The following COL25A1 variants were observed in gnomAD, a reference collection of about 807,000 sequenced individuals.
COL25A1 encodes collagen type XXV alpha 1 chain.
In COL25A1, 103 loss-of-function variants were observed where a neutral mutation model predicts 128.4. That is an observed-to-expected ratio of 0.80 (90% confidence interval 0.68 to 0.94). COL25A1 has a LOEUF of 0.94. COL25A1 is among the 40% of genes least tolerant of loss of function. The probability of loss-of-function intolerance (pLI) is 0.00; values close to 1 mark genes in which losing one functional copy is unlikely to be tolerated. For synonymous variants in COL25A1, 279 were observed against 277.2 expected (o/e 1.01, Z -0.06); for missense variants, 745 against 840.0 (o/e 0.89, Z 1.40).
intron 13 of COL25A1, among the ~76,000 whole-genome samples, chr4:108,904,603 CA>C (rs901849590): frequency 3.3e-5 from 5 of 151,262 alleles, no homozygotes; most frequent in Non-Finnish European, 5.9e-5. Flanking sequence ...AAGGTACAAA[CA>C]AAAAAAATGG....
At chr4:109,062,843 G>T (rs1762094617) in intron 3 of COL25A1, among the ~76,000 whole-genome samples, 1 of 152,112 alleles carries the variant, frequency 6.6e-6, no homozygotes. Context: ...CATGAAAATG[G>T]ATTACTATAA....
intron 6 of COL25A1, among the ~76,000 whole-genome samples, chr4:108,977,828 C>T (rs1032820606): frequency 6.6e-6 from 1 of 152,174 alleles, no homozygotes; most frequent in Non-Finnish European, 1.5e-5. Flanking sequence ...AACTCAGCTA[C>T]ATCAAGGTCA....
At chr4:109,132,703 G>A (rs1244057374) in intron 3 of COL25A1, among the ~76,000 whole-genome samples, 3 of 152,106 alleles carry the variant, frequency 2.0e-5, no homozygotes, top group Non-Finnish European at 4.4e-5. Context: ...TTTTCTGAAG[G>A]TAAGAAAGTA....
intron 11 of COL25A1, among the ~76,000 whole-genome samples, chr4:108,937,246 A>AT (rs1747532643): frequency 1.3e-5 from 2 of 151,872 alleles, no homozygotes; most frequent in African/African-American, 2.4e-5. Context: ...CTAACCAAAC[A>AT]TTTTTTCTAC....
At chr4:109,203,386 T>C (rs895512388) in intron 3 of COL25A1, among the ~76,000 whole-genome samples, 4 of 152,090 alleles carry the variant, frequency 2.6e-5, no homozygotes, top group Non-Finnish European at 5.9e-5. Flanking sequence ...TCAAAAACTT[T>C]ACCTCTCATC....
intron 3 of COL25A1, among the ~76,000 whole-genome samples, chr4:109,050,585 G>C (rs1170024168): frequency 6.6e-6 from 1 of 152,060 alleles, no homozygotes; most frequent in East Asian, 1.9e-4. Context: ...ATGATTTACA[G>C]TTTCTTTTCA....
chr4:108,834,568 A>G (rs1025139794), intron 31 of COL25A1, among the ~76,000 whole-genome samples: 1 of 151,988 alleles, frequency 6.6e-6, no homozygotes, highest in African/African-American at 2.4e-5. Context: ...AAAACACATG[A>G]CAAACACCCC....
chr4:108,979,583 C>A (rs1752759778), intron 6 of COL25A1, among the ~76,000 whole-genome samples: 1 of 152,072 alleles, frequency 6.6e-6, no homozygotes, highest in Non-Finnish European at 1.5e-5. Context: ...GGAAAAGGAG[C>A]AAATGCTGGG....
chr4:108,927,913 G>A (rs1316425913), intron 11 of COL25A1, among the ~76,000 whole-genome samples: 1 of 151,938 alleles, frequency 6.6e-6, no homozygotes, highest in Non-Finnish European at 1.5e-5. Flanking sequence ...GATAAATCTA[G>A]GTATATAAAA....
Position 109,021,773 on chromosome 4 carries a change from T to TG in COL25A1, c.421-11399dup. 3 of 453,450 alleles carry TG rather than the reference T, an allele frequency of 6.6e-6. 1 individual carries two copies. The highest frequency in any genetic ancestry group is 4.7e-5 in the South Asian group (3 of 64,346). The allele number at this position is 453,450 out of a possible 1,614,324, so 28.1% of individuals were successfully genotyped here. A position where few individuals can be genotyped will look rare whatever the true frequency, so the allele number is the denominator to read the frequency against. ...GACCCTAGGAAAAGAATTGCATTCC[T>TG]GGGGGCAGGTCTATAAACCACCGCT... On this transcript the variant is annotated intron_variant, in intron 5 of 37. Transcript: ENST00000399132.
chr4:109,285,214 TATC>T (rs539689135), intron 3 of COL25A1, among the ~76,000 whole-genome samples: 28 of 152,322 alleles, frequency 1.8e-4, no homozygotes, highest in African/African-American at 6.7e-4. Context: ...CTTGAAGAGT[TATC>T]ATAGTACAGA....
chr4:109,180,145 G>T (rs1382172974), intron 3 of COL25A1, among the ~76,000 whole-genome samples: 1 of 152,294 alleles, frequency 6.6e-6, no homozygotes, highest in Non-Finnish European at 1.5e-5. Flanking sequence ...TGGAGAAGAA[G>T]AAATTTAGGA....
intron 8 of COL25A1, among the ~76,000 whole-genome samples, chr4:108,969,481 A>G (rs573441720): frequency 6.6e-6 from 1 of 152,296 alleles, no homozygotes; most frequent in Middle Eastern, 3.4e-3. Context: ...TATACATAAC[A>G]CTATCAACTG....
At chr4:109,255,513 T>C (rs1003750904) in intron 3 of COL25A1, among the ~76,000 whole-genome samples, 2 of 152,156 alleles carry the variant, frequency 1.3e-5, no homozygotes, top group African/African-American at 2.4e-5. Context: ...TATCTGCAGT[T>C]GGACAGACTA....
intron 24 of COL25A1, among the ~76,000 whole-genome samples, chr4:108,858,018 A>G (rs1259953376): frequency 2.0e-5 from 3 of 152,090 alleles, no homozygotes; most frequent in Non-Finnish European, 4.4e-5. Context: ...ATGGGAAAGA[A>G]AGGAAGGAAG....
At chr4:108,834,514 C>A in intron 31 of COL25A1, 1 of 790,340 alleles carries the variant, frequency 1.3e-6, no homozygotes, top group South Asian at 1.7e-5. Context: ...TTACAGGGTT[C>A]TGGGATGAAT....
At chr4:108,814,312 CTG>C (rs1731047460) in intron 37 of COL25A1, among the ~76,000 whole-genome samples, 1 of 152,154 alleles carries the variant, frequency 6.6e-6, no homozygotes, top group Non-Finnish European at 1.5e-5. Context: ...ACATAATCTT[CTG>C]CACGCATTAC....
chr4:109,210,016 A>C (rs1777368541), intron 3 of COL25A1, among the ~76,000 whole-genome samples: 1 of 151,620 alleles, frequency 6.6e-6, no homozygotes, highest in African/African-American at 2.4e-5. Flanking sequence ...GCACCACTGC[A>C]CTCCAGCCTG....
chr4:108,827,246 C>A (rs771395844), intron 32 of COL25A1, 58 bp from the exon 33 acceptor site: 13 of 1,375,318 alleles, frequency 9.5e-6, no homozygotes, highest in Non-Finnish European at 1.3e-5. Flanking sequence ...CACACACTTT[C>A]TCTCATGCCC....
Sources: gnomAD v4.1 joint callset for allele counts (sites outside exome capture counted in the v4.1 genomes callset) on GRCh38, gnomAD v4.1.1 for gene constraint, MANE v1.5 for transcripts, NCBI Gene and HGNC (gene_info 2026-07-23, HGNC 2026-07-21) for gene names.